Variants in VWC2L observed in about 807,000 individuals in gnomAD.
VWC2L encodes the protein von Willebrand factor C domain containing 2 like.
A neutral mutation model predicts 21.6 loss-of-function variants in VWC2L; 10 were observed. The ratio of observed to expected loss-of-function variants is 0.46; its 90% confidence interval spans 0.29 to 0.78. The LOEUF is 0.78. Ranked by LOEUF, VWC2L falls within the 30% of genes least tolerant of loss-of-function variation. VWC2L has a pLI of 0.10. For synonymous variants in VWC2L, 96 were observed against 94.3 expected, an observed-to-expected ratio of 1.02 and a Z score of -0.10; for missense variants, 209 against 277.1, an observed-to-expected ratio of 0.75 and a Z score of 1.74.
At chr2:214,446,834 G>A (rs1459279849) in intron 3 of VWC2L, among the ~76,000 whole-genome samples, 1 of 152,150 alleles carries the variant, frequency 6.6e-6, no homozygotes, top group Non-Finnish European at 1.5e-5. Context: ...ACGCTTGAGA[G>A]ACTGATGGAA....
intron 3 of VWC2L, 132 bp downstream of exon 3, chr2:214,436,890 A>G: frequency 1.9e-6 from 2 of 1,048,108 alleles, no homozygotes; most frequent in Non-Finnish European, 1.4e-6. Context: ...TGGCGGATGT[A>G]TATTTTTATC....
intron 3 of VWC2L, among the ~76,000 whole-genome samples, chr2:214,477,806 T>G: frequency 6.6e-6 from 1 of 152,270 alleles, no homozygotes; most frequent in Admixed American, 6.5e-5. Flanking sequence ...TGTTAGATAA[T>G]GCTATTACAA....
At position 214,578,436 on chromosome 2, in the gene VWC2L, T is replaced by C. The variant is rs1336531652; in HGVS notation, c.*2616T>C. Reference sequence around the variant, plus strand: ...AACCAGCTAGAGAGAGGGATTTTTATGGTTGGTTTTGTTGTTGTTGGATTT... The same window carrying C: ...AACCAGCTAGAGAGAGGGATTTTTACGGTTGGTTTTGTTGTTGTTGGATTT... On this transcript the variant is annotated 3_prime_UTR_variant, in exon 4 of 4. Transcript: ENST00000312504. The C allele has an allele frequency of 6.6e-6, 1 of 152,244 alleles. No individual in the cohort carries two copies. Among genetic ancestry groups the C allele is most frequent in the Non-Finnish European group, 1.5e-5 (1 of 68,046 alleles). The allele number at this position is 152,244 out of a possible 1,614,324, so 9.4% of individuals were successfully genotyped here. A position where few individuals can be genotyped will look rare whatever the true frequency, so the allele number is the denominator to read the frequency against.
At chr2:214,476,937 A>G (rs375099958) in intron 3 of VWC2L, among the ~76,000 whole-genome samples, 91 of 152,294 alleles carry the variant, frequency 6.0e-4, no homozygotes, top group African/African-American at 2.0e-3. Flanking sequence ...ATCCAAGAGC[A>G]TTGATTAACT....
intron 3 of VWC2L, among the ~76,000 whole-genome samples, chr2:214,564,653 A>G (rs913562919): frequency 6.6e-6 from 1 of 152,186 alleles, no homozygotes; most frequent in African/African-American, 2.4e-5. Flanking sequence ...TTCCTCTTCT[A>G]AGATGTGCCT....
At chr2:214,520,527 A>G (rs1574613146) in intron 3 of VWC2L, among the ~76,000 whole-genome samples, 1 of 152,314 alleles carries the variant, frequency 6.6e-6, no homozygotes, top group Non-Finnish European at 1.5e-5. Flanking sequence ...GGCGATATAG[A>G]AGTAAAATTA....
In VWC2L at chr2:214,543,367, A is replaced by G. The variant is rs142482592; in HGVS notation, c.521-32305A>G. 1.6e-4 allele frequency among the ~76,000 whole-genome samples: 24 copies of G among 152,336 alleles called. No individual in the cohort carries two copies. In the East Asian group the frequency reaches 4.2e-3, roughly 27 times the overall value. The stretch of plus-strand genomic sequence containing the variant: ...TTACGTATAGTAACATCAGTTTCAC[A>G]TGAATGAAATTCAACTGGATAGGAA... On this transcript the variant is annotated intron_variant, in intron 3 of 3. Coordinates refer to ENST00000312504, the MANE Select transcript of VWC2L (RefSeq NM_001080500.4).
chr2:214,452,154 TTG>T (rs1295156522), intron 3 of VWC2L, among the ~76,000 whole-genome samples: 28 of 152,116 alleles, frequency 1.8e-4, no homozygotes, highest in Admixed American at 1.8e-3. Flanking sequence ...TTTTGGCTTT[TTG>T]TGTGTGTGTT....
intron 2 of VWC2L, among the ~76,000 whole-genome samples, chr2:214,421,940 GGAGTGCAGTGGCGC>G (rs1702448709): frequency 9.5e-6 from 1 of 105,760 alleles, no homozygotes; most frequent in Non-Finnish European, 1.7e-5. Flanking sequence ...CGCCCAGGCT[GGAGTGCAGTGGCGC>G]GATCTCGACT....
chr2:214,452,541 A>G (rs906206272), intron 3 of VWC2L, among the ~76,000 whole-genome samples: 5 of 152,138 alleles, frequency 3.3e-5, no homozygotes, highest in African/African-American at 9.7e-5. Flanking sequence ...ATTTTTGATT[A>G]TTACAAATAA....
At chr2:214,444,593 A>G (rs907541666) in intron 3 of VWC2L, among the ~76,000 whole-genome samples, 1 of 152,004 alleles carries the variant, frequency 6.6e-6, no homozygotes, top group Non-Finnish European at 1.5e-5. Context: ...TGTTAAATAC[A>G]TGAAAAAATG....
intron 3 of VWC2L, among the ~76,000 whole-genome samples, chr2:214,442,456 T>G (rs201548288): frequency 6.6e-6 from 1 of 152,156 alleles, no homozygotes; most frequent in Non-Finnish European, 1.5e-5. Context: ...AAAAATCAAA[T>G]TAGATTATTT....
intron 3 of VWC2L, among the ~76,000 whole-genome samples, chr2:214,567,411 G>A (rs1252139373): frequency 6.6e-6 from 1 of 152,012 alleles, no homozygotes; most frequent in Non-Finnish European, 1.5e-5. Flanking sequence ...GGCCATATGT[G>A]CTTCACAGGA....
intron 3 of VWC2L, among the ~76,000 whole-genome samples, chr2:214,454,631 TCTCA>T (rs1703028464): frequency 8.4e-6 from 1 of 119,422 alleles, no homozygotes; most frequent in Non-Finnish European, 1.6e-5. Context: ...TGAGATGGAG[TCTCA>T]CTCTGTTGCC....
At chr2:214,514,157 GTT>G (rs5838439) in intron 3 of VWC2L, among the ~76,000 whole-genome samples, 22,747 of 148,738 alleles carry the variant, frequency 0.15, 1,938 homozygotes, top group East Asian at 0.26. Flanking sequence ...CATATCAAAG[GTT>G]TTTTTTTTTT....
intron 3 of VWC2L, among the ~76,000 whole-genome samples, chr2:214,542,306 C>T (rs1016949324): frequency 3.9e-5 from 6 of 152,194 alleles, no homozygotes; most frequent in African/African-American, 7.2e-5. Flanking sequence ...CCACCAGGAT[C>T]GCATTCCCTC....
chr2:214,510,448 A>G (rs564011339), intron 3 of VWC2L, among the ~76,000 whole-genome samples: 1 of 152,180 alleles, frequency 6.6e-6, no homozygotes, highest in South Asian at 2.1e-4. Flanking sequence ...TCTCCCCCAC[A>G]TTGTATCATT....
intron 3 of VWC2L, among the ~76,000 whole-genome samples, chr2:214,565,128 G>T (rs1690042499): frequency 6.6e-6 from 1 of 152,134 alleles, no homozygotes; most frequent in Non-Finnish European, 1.5e-5. Context: ...TCTAGTGACT[G>T]CAGAAGAGTC....
chr2:214,458,389 G>C (rs10173895), intron 3 of VWC2L, among the ~76,000 whole-genome samples: 35,058 of 151,586 alleles, frequency 0.23, 4,982 homozygotes, highest in African/African-American at 0.4. Context: ...CTTTTTGTTT[G>C]CTTGATATTC....
Sources: gnomAD v4.1 joint callset for allele counts (sites outside exome capture counted in the v4.1 genomes callset) on GRCh38, gnomAD v4.1.1 for gene constraint, MANE v1.5 for transcripts, NCBI Gene and HGNC (gene_info 2026-07-23, HGNC 2026-07-21) for gene names.